Variants in ULK1 observed in about 807,000 individuals in gnomAD.
ULK1 encodes the protein unc-51 like autophagy activating kinase 1, also known as serine/threonine-protein kinase ULK1.
In ULK1, 48 loss-of-function variants were observed where a neutral mutation model predicts 117.5. That is an observed-to-expected ratio of 0.41 (90% CI 0.32 to 0.52). ULK1 has a LOEUF of 0.52. ULK1 is among the 20% of genes least tolerant of loss of function. The pLI is 0.29. For missense variants in ULK1, 1,387 were observed against 1,473.4 expected (o/e 0.94, Z 0.96); for synonymous variants, 790 against 637.8 (o/e 1.24, Z -3.60).
At chr12:131,913,469 A>G (rs1467985344) in intron 14 of ULK1, among the ~76,000 whole-genome samples, 2 of 151,594 alleles carry the variant, frequency 1.3e-5, no homozygotes, top group Non-Finnish European at 2.9e-5. Flanking sequence ...GCCGAGGCGG[A>G]TGGATCACAA....
At chr12:131,914,500 G>A in intron 16 of ULK1, 23 bp downstream of exon 16, 1 of 1,605,546 alleles carries the variant, frequency 6.2e-7, no homozygotes, top group East Asian at 2.2e-5. Flanking sequence ...CCCCCAGGTA[G>A]CCAGGCGTGG....
chr12:131,922,041 C>T lies in ULK1; in HGVS notation c.*680C>T, dbSNP rs1434946706. On this transcript the variant is annotated 3_prime_UTR_variant, in exon 28 of 28. Transcript: ENST00000321867. ...GGGGAGTGGGGCCCTGCGCTAGAGG[C>T]AGAGGCAGTTCTTTGTTCAAGCGTT... The T allele has an allele frequency of 2.2e-6, 1 of 454,078 alleles. No individual in the cohort carries two copies. Among genetic ancestry groups the T allele is most frequent in the Non-Finnish European group, 4.4e-6 (1 of 225,314 alleles). The allele number at this position is 454,078 out of a possible 1,614,324, so 28.1% of individuals were successfully genotyped here. A position where few individuals can be genotyped will look rare whatever the true frequency, so the allele number is the denominator to read the frequency against.
At chr12:131,918,301 T>G in intron 22 of ULK1, 196 bp from the exon 23 acceptor site, 6 of 645,786 alleles carry the variant, frequency 9.3e-6, no homozygotes, top group Admixed American at 3.2e-5. Context: ...GACTTGGGGG[T>G]TGTGGTGAGT....
Position 131,920,962 on chromosome 12 carries a change from C to T in ULK1, c.2962-138C>T, listed in dbSNP as rs115405218. ...ACCATCCCCTCTGCACAGCAGGCTG[C>T]ACCAGCACTTATGTCTCCACGTCAC... On this transcript the variant is annotated intron_variant, in intron 26 of 27. Coordinates refer to ENST00000321867, the MANE Select transcript of ULK1 (RefSeq NM_003565.4). The T allele has an allele frequency of 4.2e-4, 510 of 1,227,410 alleles. 1 individual carries two copies. The African/African-American group carries it at 6.6e-3, about 16-fold the overall frequency. 76.0% of individuals were successfully genotyped at this position (1,227,410 alleles called of 1,614,324 possible). A position where few individuals can be genotyped will look rare whatever the true frequency, so the allele number is the denominator to read the frequency against.
chr12:131,898,458 C>T (rs916672980), intron 3 of ULK1, among the ~76,000 whole-genome samples: 2 of 152,112 alleles, frequency 1.3e-5, no homozygotes, highest in South Asian at 2.1e-4. Flanking sequence ...AGGTTTCCAT[C>T]GTGGCTCATG....
intron 18 of ULK1, 74 bp downstream of exon 18, chr12:131,915,495 C>A: frequency 6.6e-7 from 1 of 1,522,668 alleles, no homozygotes; most frequent in Non-Finnish European, 8.9e-7. Flanking sequence ...TGGTCTAAAG[C>A]CCTTGCTCTT....
intron 14 of ULK1, 39 bp downstream of exon 14, chr12:131,913,297 G>T (rs763648525): frequency 1.3e-6 from 2 of 1,502,360 alleles, no homozygotes; most frequent in East Asian, 2.6e-5. Context: ...TTAGGGGAGA[G>T]AAACTGTGGC....
At position 131,917,450 on chromosome 12, in the gene ULK1, C is replaced by A. The variant is rs1409721762; in HGVS notation, c.2222C>A (p.Ala741Asp). The change falls in exon 22 of 28, where the codon GCC becomes GAC. Residue 741 changes from alanine (A) to aspartate (D), a missense_variant. Ala to Asp is a moderately radical substitution (Grantham distance 126, BLOSUM62 -2). Coordinates refer to ENST00000321867, the MANE Select transcript of ULK1 (RefSeq NM_003565.4). Reference sequence around the variant, plus strand: ...TTTGGAGGGAGCCTGCACCCAGGAGCCCGTGCTGGGGGCACCAGCAGCCCT... The same window carrying A: ...TTTGGAGGGAGCCTGCACCCAGGAGACCGTGCTGGGGGCACCAGCAGCCCT... ...AGFGGSLHPG[A>D]RAGGTSSPSP... is the part of the protein sequence containing the mutation. 6.5e-7 allele frequency: 1 copy of A among 1,539,320 alleles called. No individual in the cohort carries two copies. The highest frequency in any genetic ancestry group is 1.8e-4 in the Middle Eastern group (1 of 5,476).
At chr12:131,920,853 C>G in intron 26 of ULK1, 1 of 527,922 alleles carries the variant, frequency 1.9e-6, no homozygotes, top group Non-Finnish European at 3.3e-6. Flanking sequence ...GACTGAGCGG[C>G]GGGCACTCTG....
At chr12:131,912,504 G>A (rs1238584881) in intron 13 of ULK1, among the ~76,000 whole-genome samples, 2 of 152,226 alleles carry the variant, frequency 1.3e-5, no homozygotes, top group Non-Finnish European at 2.9e-5. Context: ...GGCTGCCCAC[G>A]TGTTTGTTGA....
intron 8 of ULK1, among the ~76,000 whole-genome samples, 180 bp downstream of exon 8, chr12:131,909,417 G>A (rs1376472904): frequency 6.6e-6 from 1 of 152,184 alleles, no homozygotes. Context: ...CAGGGAGGGC[G>A]GCGCCGCCGG....
intron 22 of ULK1, 41 bp from the exon 23 acceptor site, chr12:131,918,456 C>T (rs1889958122): frequency 2.5e-6 from 4 of 1,582,732 alleles, no homozygotes; most frequent in Middle Eastern, 1.7e-4. Flanking sequence ...GCCACGGTGT[C>T]TGCTGGTCCT....
chr12:131,909,214 C>G lies in ULK1; in HGVS notation c.643C>G (p.Leu215Val), dbSNP rs1826072377. ...WSIGTIVYQC[L>V]TGKAPFQASS... ...CATCGGCACCATCGTCTACCAGTGC[C>G]TGACGGGGAAGGCGCCCTTCCAGGT... The change falls in exon 8 of 28, where the codon CTG (leucine) becomes GTG (valine). Residue 215 changes from leucine (L) to valine (V), a missense_variant. Physicochemically the swap from Leu to Val is conservative, Grantham distance 32. Transcript: ENST00000321867. 1 of 1,606,820 alleles carries G rather than the reference C, an allele frequency of 6.2e-7. No individual in the cohort carries two copies. The highest frequency in any genetic ancestry group is 1.3e-5 in the African/African-American group (1 of 74,796).
rs771290238 is a variant in ULK1, at chr12:131,919,387, G to A, written c.2684+3G>A. 10 of 1,552,608 alleles carry A rather than the reference G, an allele frequency of 6.4e-6. No individual in the cohort carries two copies. Among genetic ancestry groups the A allele is most frequent in the South Asian group, 1.2e-5 (1 of 85,400 alleles). ...AGCCTGCTGAGCCGAGAATGGGGGT[G>A]GGTGCCGCCAGGGCTGGGGTGGGGC... is the stretch of plus-strand genomic sequence containing the variant. On this transcript the variant is annotated splice_donor_region_variant and intron_variant, in intron 24 of 27. Coordinates refer to ENST00000321867, the MANE Select transcript of ULK1 (RefSeq NM_003565.4).
Position 131,906,888 on chromosome 12 carries a change from G to A in ULK1, c.247-4G>A. ...CCTCTCACAGCCTCTTTTCTGTCTT[G>A]CAGGAAATGGCTAATTCTGTCTACC... On this transcript the variant is annotated splice_region_variant and splice_polypyrimidine_tract_variant and intron_variant, in intron 3 of 27. Transcript: ENST00000321867. 1.2e-6 allele frequency: 2 copies of A among 1,614,048 alleles called. No individual in the cohort carries two copies. Among genetic ancestry groups the A allele is most frequent in the Non-Finnish European group, 1.7e-6 (2 of 1,180,002 alleles).
Position 131,918,568 on chromosome 12 carries a change from C to T in ULK1, c.2398C>T (p.Pro800Ser). 1 of 1,611,240 alleles carries T rather than the reference C, an allele frequency of 6.2e-7. No individual in the cohort carries two copies. Among genetic ancestry groups the T allele is most frequent in the South Asian group, 1.1e-5 (1 of 90,834 alleles). The change falls in exon 23 of 28, where the codon CCT becomes TCT. Residue 800 changes from proline to serine, a missense_variant. Physicochemically the swap from Pro to Ser is moderately conservative, Grantham distance 74. Transcript: ENST00000321867. Reference sequence around the variant, plus strand: ...TGGGCCCTGCAGCGAGGCCCCAGCCCCTGAGCTCCCTGCTCCAGGACACGG... The same window carrying T: ...TGGGCCCTGCAGCGAGGCCCCAGCCTCTGAGCTCCCTGCTCCAGGACACGG... ...VPGPCSEAPA[P>S]ELPAPGHGCS... is the part of the protein sequence containing the mutation.
rs757885342 is a variant in ULK1, at chr12:131,913,870, G to A, written c.1247+34G>A. On this transcript the variant is annotated intron_variant, in intron 15 of 27. Coordinates refer to ENST00000321867, the MANE Select transcript of ULK1 (RefSeq NM_003565.4). ...GGCCCCAGGCTGGGTGGATGGGGCT[G>A]TGAACAGTCCCCCGGCTGGAGGTTG... is the stretch of plus-strand genomic sequence containing the variant. 1.5e-5 allele frequency: 22 copies of A among 1,467,334 alleles called. No homozygotes were observed. The Admixed American group carries it at 3.0e-4, about 20-fold the overall frequency. 90.9% of individuals were successfully genotyped at this position (1,467,334 alleles called of 1,614,324 possible).
intron 13 of ULK1, 139 bp from the exon 14 acceptor site, chr12:131,913,059 C>A: frequency 2.8e-6 from 2 of 723,982 alleles, no homozygotes; most frequent in Non-Finnish European, 4.1e-6. Flanking sequence ...CCAGGCTCTG[C>A]CCCCCGCAAG....
Position 131,913,200 on chromosome 12 carries a change from G to T in ULK1, c.1099G>T (p.Asp367Tyr). ...FVMVPAQFPG[D>Y]LVAEAPSAKP... Reference sequence around the variant, plus strand: ...CCCAGCCTTGTCTCCCCCTGCAGGTGACCTGGTGGCTGAGGCGCCCAGTGC... The same window carrying T: ...CCCAGCCTTGTCTCCCCCTGCAGGTTACCTGGTGGCTGAGGCGCCCAGTGC... Residue 367 changes from aspartate to tyrosine, a missense_variant and splice_region_variant, in exon 14 of 28, where the codon GAC becomes TAC. This residue lies in a region of ULK1 where 260 missense variants were observed against 271.6 expected (regional missense o/e 0.96). Transcript: ENST00000321867. The T allele has an allele frequency of 6.3e-7, 1 of 1,582,842 alleles. No individual in the cohort carries two copies.
Sources: gnomAD v4.1 joint callset for allele counts (sites outside exome capture counted in the v4.1 genomes callset) on GRCh38, gnomAD v4.1.1 for gene constraint, gnomAD v4.1.1 regional missense constraint, MANE v1.5 for transcripts, NCBI Gene and HGNC (gene_info 2026-07-23, HGNC 2026-07-21) for gene names.